APLN: variants seen among roughly 807,000 people sequenced by gnomAD.
The protein encoded by APLN is apelin, also known as AGTRL1 ligand.
A neutral mutation model predicts 4.3 loss-of-function variants in APLN; 2 were observed. The ratio of observed to expected loss-of-function variants is 0.46; its 90% CI spans 0.19 to 1.45. The LOEUF is 1.45. Among genes scored for constraint, APLN ranks in the 40% most tolerant of loss-of-function variants. The pLI is 0.25. For synonymous variants in APLN, 34 were observed against 30.4 expected (o/e 1.12, Z -0.38); for missense variants, 80 against 70.0 (o/e 1.14, Z -0.51).
intron 1 of APLN, among the ~76,000 whole-genome samples, chrX:129,654,167 C>CAG (rs993568652): frequency 1.5e-4 from 17 of 113,257 alleles, no homozygotes; most frequent in Non-Finnish European, 2.8e-4. Flanking sequence ...CATGGGAGCC[C>CAG]AGCCCACTCG....
intron 1 of APLN, 92 bp from the exon 2 acceptor site, chrX:129,648,884 A>C: frequency 2.4e-6 from 2 of 819,492 alleles, no homozygotes; most frequent in Non-Finnish European, 3.4e-6. Flanking sequence ...TGGTCTGTCC[A>C]TGTGGTGGCA....
rs779376339 is a variant in APLN at position 129,647,884 on chromosome X, C to T, written c.*39G>A. 50 of 981,078 alleles carry T rather than the reference C, an allele frequency of 5.1e-5. No individual in the cohort carries two copies. The highest frequency in any genetic ancestry group is 6.4e-5 in the Non-Finnish European group (48 of 755,775). The allele number at this position is 981,078 out of a possible 1,213,427, so 80.9% of individuals were successfully genotyped here. A position where few individuals can be genotyped will look rare whatever the true frequency, so the allele number is the denominator to read the frequency against. ...GACCAATCTATGGAGGAGACATAAC[C>T]GCCGGGGGTGGGCACTTGGGGGCCC... On this transcript the variant is annotated 3_prime_UTR_variant, in exon 3 of 3. Coordinates refer to ENST00000429967, the MANE Select transcript of APLN (RefSeq NM_017413.5).
chrX:129,653,095 A>G (rs971887757), intron 1 of APLN, among the ~76,000 whole-genome samples: 3 of 112,532 alleles, frequency 2.7e-5, no homozygotes, highest in Non-Finnish European at 5.6e-5. Flanking sequence ...CCTGCCTGAC[A>G]GGAGTTTCTG....
At chrX:129,650,590 C>T (rs1010097780) in intron 1 of APLN, among the ~76,000 whole-genome samples, 2 of 112,473 alleles carry the variant, frequency 1.8e-5, no homozygotes, top group African/African-American at 6.5e-5. Flanking sequence ...AGCCACACTT[C>T]CGTGCCAACT....
Position 129,654,866 on chromosome X carries a change from C to T in APLN, c.-236G>A, listed in dbSNP as rs955417127. 6 of 184,121 alleles carry T rather than the reference C, an allele frequency of 3.3e-5. No individual in the cohort carries two copies. The highest frequency in any genetic ancestry group is 1.8e-4 in the African/African-American group (6 of 32,970). 15.2% of individuals were successfully genotyped at this position (184,121 alleles called of 1,213,427 possible). On this transcript the variant is annotated 5_prime_UTR_variant, in exon 1 of 3. Coordinates refer to ENST00000429967, the MANE Select transcript of APLN (RefSeq NM_017413.5). ...GCCGCGAAGCTGGCCTCGGCGGCTC[C>T]GGGAGCGGCAGCGGCGAGCTCTTTC...
chrX:129,650,192 A>G (rs1333844716), intron 1 of APLN, among the ~76,000 whole-genome samples: 1 of 110,023 alleles, frequency 9.1e-6, no homozygotes, highest in Non-Finnish European at 1.9e-5. Flanking sequence ...ACTTGCTCAC[A>G]GTTTCCATAG....
chrX:129,653,984 C>T (rs987960211), intron 1 of APLN, among the ~76,000 whole-genome samples: 2 of 112,255 alleles, frequency 1.8e-5, no homozygotes, highest in Non-Finnish European at 3.8e-5. Context: ...GCTGCCTCTG[C>T]TCACACATGC....
At chrX:129,654,456 C>G (rs941560169) in intron 1 of APLN, 108 bp downstream of exon 1, 2 of 753,836 alleles carry the variant, frequency 2.7e-6, no homozygotes, top group Admixed American at 8.8e-5. Context: ...GTGGCTGCTA[C>G]TGCACGGCTC....
chrX:129,646,348 G>C lies in APLN; in HGVS notation c.*1575C>G, dbSNP rs1936940405. On this transcript the variant is annotated 3_prime_UTR_variant, in exon 3 of 3. Transcript: ENST00000429967. ...ACACAAAGTTGGGCATCAGGCTCTTGTCTTCTCTTTCTCCCTCCTGGGAAC... is the reference window on the plus strand; with the variant it reads ...ACACAAAGTTGGGCATCAGGCTCTTCTCTTCTCTTTCTCCCTCCTGGGAAC... 8.9e-6 allele frequency: 1 copy of C among 112,815 alleles called. No individual in the cohort carries two copies. Among genetic ancestry groups the C allele is most frequent in the Non-Finnish European group, 1.9e-5 (1 of 53,216 alleles). The allele number at this position is 112,815 out of a possible 1,213,427, so 9.3% of individuals were successfully genotyped here. A position where few individuals can be genotyped will look rare whatever the true frequency, so the allele number is the denominator to read the frequency against.
intron 1 of APLN, among the ~76,000 whole-genome samples, chrX:129,653,668 C>A (rs768648778): frequency 8.9e-6 from 1 of 112,709 alleles, no homozygotes; most frequent in Non-Finnish European, 1.9e-5. Context: ...CGGACATGGG[C>A]ACTAGTGCCA....
At chrX:129,654,460 A>T in intron 1 of APLN, 104 bp downstream of exon 1, 2 of 785,431 alleles carry the variant, frequency 2.5e-6, no homozygotes, top group Non-Finnish European at 3.4e-6. Flanking sequence ...CTGCTACTGC[A>T]CGGCTCGCGC....
chrX:129,654,500 A>C, intron 1 of APLN, 64 bp downstream of exon 1: 1 of 1,075,032 alleles, frequency 9.3e-7, no homozygotes, highest in Non-Finnish European at 1.2e-6. Flanking sequence ...GGAGAGTGCG[A>C]ATAGGGCGGA....
chrX:129,652,489 G>A (rs1936984970), intron 1 of APLN, among the ~76,000 whole-genome samples: 1 of 112,008 alleles, frequency 8.9e-6, no homozygotes, highest in Admixed American at 9.4e-5. Context: ...AGGAGCCAGC[G>A]GGAGCAGGAC....
rs1034712527 is a variant in APLN, at chrX:129,654,481, G to A, written c.67+83C>T. 7 of 947,832 alleles carry A rather than the reference G, an allele frequency of 7.4e-6. No individual in the cohort carries two copies. In the African/African-American group the frequency reaches 1.2e-4, roughly 16 times the overall value. The allele number at this position is 947,832 out of a possible 1,213,427, so 78.1% of individuals were successfully genotyped here. On this transcript the variant is annotated intron_variant, in intron 1 of 2. Coordinates refer to ENST00000429967, the MANE Select transcript of APLN (RefSeq NM_017413.5). ...CTGCACGGCTCGCGCCGGGCTCCCC[G>A]GGAGGCGGGGAGAGTGCGAATAGGG...
intron 1 of APLN, 29 bp downstream of exon 1, chrX:129,654,535 C>T: frequency 8.7e-7 from 1 of 1,143,661 alleles, no homozygotes; most frequent in Non-Finnish European, 1.2e-6. Context: ...CCGGCTGCAG[C>T]CCGGGCGAGC....
At chrX:129,650,371 A>G (rs1485715670) in intron 1 of APLN, among the ~76,000 whole-genome samples, 1 of 110,940 alleles carries the variant, frequency 9.0e-6, no homozygotes, top group Non-Finnish European at 1.9e-5. Flanking sequence ...CTCTTGGGCC[A>G]AAAGTGGGTG....
chrX:129,649,037 T>C (rs1936960917), intron 1 of APLN, among the ~76,000 whole-genome samples: 1 of 112,291 alleles, frequency 8.9e-6, no homozygotes, highest in South Asian at 3.7e-4. Flanking sequence ...AGTTATATCA[T>C]GTTTCTGACA....
chrX:129,647,814 G>A lies in APLN; in HGVS notation c.*109C>T. 1 of 983,229 alleles carries A rather than the reference G, an allele frequency of 1.0e-6. No individual in the cohort carries two copies. Among genetic ancestry groups the A allele is most frequent in the Non-Finnish European group, 1.3e-6 (1 of 756,154 alleles). The allele number at this position is 983,229 out of a possible 1,213,427, so 81.0% of individuals were successfully genotyped here. ...GCTGGGCCCACTGGTGGCTACAGCA[G>A]GTGCGAGGTGAGAGCTGAATGGACG... is the stretch of plus-strand genomic sequence containing the variant. On this transcript the variant is annotated 3_prime_UTR_variant, in exon 3 of 3. Transcript: ENST00000429967.
chrX:129,652,580 A>G (rs1390297576), intron 1 of APLN, among the ~76,000 whole-genome samples: 1 of 112,377 alleles, frequency 8.9e-6, no homozygotes, highest in Non-Finnish European at 1.9e-5. Context: ...GGGAGTAGAG[A>G]AGTCAGTGAG....
Sources: allele counts gnomAD v4.1 joint callset (sites outside exome capture counted in the v4.1 genomes callset), GRCh38; gene constraint gnomAD v4.1.1; transcripts MANE v1.5; gene names NCBI Gene and HGNC (gene_info 2026-07-23, HGNC 2026-07-21).